The following FAM240C variants were observed in gnomAD, a reference collection of about 807,000 sequenced individuals.
FAM240C encodes protein FAM240C.
FAM240C carries 14 observed loss-of-function variants against 10.0 expected under a neutral mutation model. The ratio of observed to expected loss-of-function variants is 1.40; its 90% CI spans 0.92 to 2.19. FAM240C has a LOEUF of 2.19. Among genes scored for constraint, FAM240C ranks in the 30% most tolerant of loss-of-function variants. The probability of loss-of-function intolerance (pLI) is 0.00; values close to 1 mark genes in which losing one functional copy is unlikely to be tolerated. For missense variants in FAM240C, 154 were observed against 122.3 expected (o/e 1.26, Z -1.22); for synonymous variants, 49 against 44.3 (o/e 1.11, Z -0.42).
rs1318790819 is a variant in FAM240C at position 241,897,338 on chromosome 2, G to A, written c.13-4C>T. The A allele has an allele frequency of 1.3e-6, 2 of 1,548,930 alleles. No homozygotes were observed. Among genetic ancestry groups the A allele is most frequent in the African/African-American group, 1.4e-5 (1 of 72,934 alleles). On this transcript the variant is annotated splice_polypyrimidine_tract_variant and splice_region_variant and intron_variant, in intron 1 of 2. Transcript: ENST00000404031. ...GAGTGAGGCTTTTACTCATGTTCTG[G>A]AAAATAAAAAGTGGAGAAGAGCTCA...
chr2:241,901,365 T>A (rs1701979853), upstream of FAM240C, among the ~76,000 whole-genome samples: 1 of 152,228 alleles, frequency 6.6e-6, no homozygotes, highest in African/African-American at 2.4e-5. The surrounding 1 kb of genome is among the most constrained non-coding windows in gnomAD (Gnocchi z 4.9). Flanking sequence ...GGTCACTTGC[T>A]TCTTTATGAG....
At chr2:241,897,086 C>T in intron 2 of FAM240C, 100 bp downstream of exon 2, 1 of 1,346,942 alleles carries the variant, frequency 7.4e-7, no homozygotes, top group Non-Finnish European at 1.0e-6. Flanking sequence ...GGCTGAGGGC[C>T]AGGGCTGTGT....
chr2:241,897,054 G>C, intron 2 of FAM240C, 132 bp downstream of exon 2: 1 of 951,460 alleles, frequency 1.1e-6, no homozygotes. Context: ...TCACAGGCCT[G>C]GAGCTGAGGG....
At chr2:241,902,332 GCCGCCGCCTCCCCT>G, upstream of FAM240C, among the ~76,000 whole-genome samples, 1 of 71,144 alleles carries the variant, frequency 1.4e-5, no homozygotes, top group Non-Finnish European at 3.2e-5. This position sits in a 1 kb window ranked among gnomAD's most constrained non-coding sequence, Gnocchi z 7.1. Flanking sequence ...CCTCCCCTCC[GCCGCCGCCTCCCCT>G]CCGCCGCCGC....
upstream of FAM240C, among the ~76,000 whole-genome samples, chr2:241,902,200 C>T (rs550225152): frequency 6.6e-6 from 1 of 152,196 alleles, no homozygotes; most frequent in South Asian, 2.1e-4. This position sits in a 1 kb window ranked among gnomAD's most constrained non-coding sequence, Gnocchi z 7.1. Context: ...TGTAGCACCA[C>T]GGAGGTTCTG....
upstream of FAM240C, among the ~76,000 whole-genome samples, chr2:241,902,227 C>G (rs568630566): frequency 2.1e-4 from 32 of 151,820 alleles, no homozygotes; most frequent in African/African-American, 7.2e-4. The surrounding 1 kb of genome is among the most constrained non-coding windows in gnomAD (Gnocchi z 7.1). Context: ...CTTTCCTGCA[C>G]CCGCCACCCC....
chr2:241,896,261 G>A (rs1010731813), intron 2 of FAM240C, among the ~76,000 whole-genome samples: 12 of 152,296 alleles, frequency 7.9e-5, no homozygotes, highest in African/African-American at 2.9e-4. Flanking sequence ...GGTCGGCTCA[G>A]GGTCACCCAC....
chr2:241,896,563 G>A (rs1701815026), intron 2 of FAM240C, among the ~76,000 whole-genome samples: 1 of 135,086 alleles, frequency 7.4e-6, no homozygotes, highest in African/African-American at 2.7e-5. Context: ...GTGTGTTGGG[G>A]TGTGGGTGTG....
At chr2:241,900,930 C>T (rs1575422743), upstream of FAM240C, among the ~76,000 whole-genome samples, 1 of 152,074 alleles carries the variant, frequency 6.6e-6, no homozygotes, top group African/African-American at 2.4e-5. This position sits in a 1 kb window ranked among gnomAD's most constrained non-coding sequence, Gnocchi z 4.5. Flanking sequence ...TGAGAGGTCT[C>T]GGGATCTGCC....
At chr2:241,894,387 T>G (rs1256603352) in intron 2 of FAM240C, 48 bp from the exon 3 acceptor site, 3 of 1,513,076 alleles carry the variant, frequency 2.0e-6, no homozygotes, top group African/African-American at 1.4e-5. Context: ...CTCTCGGAAC[T>G]TAGTGACGGC....
intron 2 of FAM240C, among the ~76,000 whole-genome samples, chr2:241,896,748 G>T (rs561060541): frequency 5.4e-5 from 2 of 37,016 alleles, no homozygotes; most frequent in African/African-American, 9.0e-5. Flanking sequence ...GTGAAGGGGT[G>T]TGGGTGTTGG....
chr2:241,898,855 G>C (rs376311922), intron 1 of FAM240C, among the ~76,000 whole-genome samples: 4 of 152,240 alleles, frequency 2.6e-5, no homozygotes, highest in African/African-American at 9.6e-5. Flanking sequence ...ACTGTTCTGG[G>C]GCTGCCTGAG....
chr2:241,900,511 A>C, upstream of FAM240C: 2 of 650,128 alleles, frequency 3.1e-6, no homozygotes, highest in South Asian at 3.5e-5. The surrounding 1 kb of genome is among the most constrained non-coding windows in gnomAD (Gnocchi z 4.5). Context: ...CAGTCCCAGA[A>C]AGACGCGCTG....
At chr2:241,899,894 C>T (rs1304433315) in intron 1 of FAM240C, among the ~76,000 whole-genome samples, 4 of 152,068 alleles carry the variant, frequency 2.6e-5, no homozygotes, top group Admixed American at 1.3e-4. Context: ...GGTGAAACCC[C>T]GTCTTCACTA....
chr2:241,896,629 TGGGGTGTGGGTGAAGGGGTGTGGGTGAA>T (rs1559468404), intron 2 of FAM240C, among the ~76,000 whole-genome samples: 1 of 3,468 alleles, frequency 2.9e-4, no homozygotes, highest in African/African-American at 7.9e-4. Flanking sequence ...GTGTGGGTGT[TGGGGTGTGGGTGAAGGGGTGTGGGTGAA>T]GGGGTGTGGG....
intron 1 of FAM240C, chr2:241,899,440 T>A: frequency 1.6e-6 from 1 of 638,984 alleles, no homozygotes; most frequent in Non-Finnish European, 1.9e-6. Flanking sequence ...ATTCAGTGAG[T>A]GAAAACTCAT....
At chr2:241,899,675 T>C (rs935356012) in intron 1 of FAM240C, among the ~76,000 whole-genome samples, 8 of 152,190 alleles carry the variant, frequency 5.3e-5, no homozygotes, top group African/African-American at 1.9e-4. Flanking sequence ...GAGCTTCTGC[T>C]CTTAGGACAC....
intron 1 of FAM240C, 51 bp from the exon 2 acceptor site, chr2:241,897,385 T>G: frequency 6.5e-7 from 1 of 1,531,502 alleles, no homozygotes; most frequent in Non-Finnish European, 8.8e-7. Flanking sequence ...CCATTCCCAT[T>G]GACGAGTTTG....
At chr2:241,902,511 G>GGT (rs1029568967), upstream of FAM240C, 3 of 153,308 alleles carry the variant, frequency 2.0e-5, no homozygotes, top group Non-Finnish European at 1.5e-5. This position sits in a 1 kb window ranked among gnomAD's most constrained non-coding sequence, Gnocchi z 7.1. Context: ...GCTCTGTGAC[G>GGT]GTGAAGCCGG....
Sources: allele counts gnomAD v4.1 joint callset (sites outside exome capture counted in the v4.1 genomes callset), GRCh38; gene constraint gnomAD v4.1.1; non-coding constraint Gnocchi (gnomAD v3.1); transcripts MANE v1.5; gene names NCBI Gene and HGNC (gene_info 2026-07-23, HGNC 2026-07-21).